The following NRXN3 variants were observed in gnomAD, a reference collection of about 807,000 sequenced individuals.
NRXN3 encodes the protein neurexin III.
In NRXN3, 32 loss-of-function variants were observed where a neutral mutation model predicts 137.6. That is an observed-to-expected ratio of 0.23 (90% CI 0.18 to 0.31). The LOEUF is 0.31. Among genes scored for constraint, NRXN3 ranks in the 10% least tolerant of loss-of-function variants. NRXN3 has a pLI of 1.00. For synonymous variants in NRXN3, 798 were observed against 784.5 expected (o/e 1.02, Z -0.29); for missense variants, 1,574 against 2,062.5 (o/e 0.76, Z 4.59).
At chr14:79,031,858 T>A (rs1477275137) in intron 15 of NRXN3, among the ~76,000 whole-genome samples, 1 of 152,188 alleles carries the variant, frequency 6.6e-6, no homozygotes, top group Non-Finnish European at 1.5e-5. Flanking sequence ...TTTTTGTTGT[T>A]GTTGTCTGTT....
intron 2 of NRXN3, among the ~76,000 whole-genome samples, chr14:78,245,615 T>C (rs1400400298): frequency 6.6e-6 from 1 of 152,182 alleles, no homozygotes; most frequent in Non-Finnish European, 1.5e-5. Flanking sequence ...TAGCTATCAG[T>C]GGCTATTTAA....
intron 4 of NRXN3, among the ~76,000 whole-genome samples, chr14:78,328,261 T>G (rs774006885): frequency 2.6e-5 from 4 of 152,170 alleles, no homozygotes; most frequent in Non-Finnish European, 5.9e-5. Flanking sequence ...TTTTTGACTG[T>G]TCGCTCAATA....
At chr14:78,901,209 T>C (rs1042165839) in intron 10 of NRXN3, among the ~76,000 whole-genome samples, 1 of 151,786 alleles carries the variant, frequency 6.6e-6, no homozygotes, top group Non-Finnish European at 1.5e-5. Flanking sequence ...TAATTTTCTC[T>C]GTATTTCTTG....
Position 79,861,428 on chromosome 14 carries a change from G to A in NRXN3, c.4180G>A (p.Val1394Ile). The change falls in exon 21 of 21, where the codon GTC becomes ATC. Residue 1394 changes from valine (V) to isoleucine (I), a missense_variant. By Grantham distance (29) the Val-to-Ile change is conservative (BLOSUM62 3). Transcript: ENST00000335750. The surrounding 1 kb of genome is among the most constrained non-coding windows in gnomAD (Gnocchi z 5.4). ...WESKDFRPNK[V>I]SETSRTTTTS... The stretch of plus-strand genomic sequence containing the variant: ...ATCCAAGGACTTTAGACCTAACAAA[G>A]TCTCCGAAACTAGTAGGACTACTAC... 7 of 1,536,384 alleles carry A rather than the reference G, an allele frequency of 4.6e-6. No homozygotes were observed. Among genetic ancestry groups the A allele is most frequent in the Non-Finnish European group, 5.2e-6 (6 of 1,146,978 alleles).
At chr14:79,590,920 A>G (rs550625591) in intron 16 of NRXN3, among the ~76,000 whole-genome samples, 1 of 152,296 alleles carries the variant, frequency 6.6e-6, no homozygotes, top group East Asian at 1.9e-4. Flanking sequence ...CTCAAGCCCT[A>G]CCATCCCCTC....
At chr14:79,280,335 C>A (rs372995928) in intron 15 of NRXN3, 1 of 1,614,074 alleles carries the variant, frequency 6.2e-7, no homozygotes, top group Non-Finnish European at 8.5e-7. Flanking sequence ...CCTCGCCGGC[C>A]GGCCTGGACG....
At chr14:78,571,999 C>A (rs1019653364) in intron 4 of NRXN3, among the ~76,000 whole-genome samples, 1 of 152,222 alleles carries the variant, frequency 6.6e-6, no homozygotes, top group Non-Finnish European at 1.5e-5. Flanking sequence ...GAAGCTGCCA[C>A]TTCTGTCTTC....
At chr14:79,076,366 G>C (rs1373626455) in intron 15 of NRXN3, among the ~76,000 whole-genome samples, 2 of 152,132 alleles carry the variant, frequency 1.3e-5, no homozygotes, top group African/African-American at 4.8e-5. Context: ...GCTTAGCTGG[G>C]TGCCTCTGGC....
At chr14:78,531,175 C>T (rs972854288) in intron 4 of NRXN3, among the ~76,000 whole-genome samples, 5 of 152,156 alleles carry the variant, frequency 3.3e-5, no homozygotes, top group African/African-American at 1.2e-4. Flanking sequence ...GGGCTACTTT[C>T]ATGAGGAAGC....
intron 6 of NRXN3, 144 bp downstream of exon 6, chr14:78,651,470 G>T (rs2097742368): frequency 1.0e-6 from 1 of 973,906 alleles, no homozygotes; most frequent in East Asian, 2.6e-5. Flanking sequence ...TTGGAAGTAG[G>T]TGTCCTACGT....
At chr14:79,789,158 G>A (rs1043973215) in intron 19 of NRXN3, among the ~76,000 whole-genome samples, 3 of 152,104 alleles carry the variant, frequency 2.0e-5, no homozygotes, top group African/African-American at 7.2e-5. Flanking sequence ...AGTGAAACAT[G>A]AAAACTATAT....
In NRXN3 at chr14:78,173,656, GA is replaced by G. The variant is rs1030660437; in HGVS notation, c.-704+2989del. Among the ~76,000 whole-genome samples, 17 of 115,688 alleles carry G rather than the reference GA, an allele frequency of 1.5e-4. No homozygotes were observed. The Admixed American group carries it at 1.8e-3, about 12-fold the overall frequency. The allele number at this position is 115,688 out of a possible 152,430, so 75.9% of individuals were successfully genotyped here. A position where few individuals can be genotyped will look rare whatever the true frequency, so the allele number is the denominator to read the frequency against. On this transcript the variant is annotated intron_variant, in intron 1 of 20. Coordinates refer to ENST00000335750, the MANE Select transcript of NRXN3 (RefSeq NM_001330195.2). ...TTCCTCCAGCCCTTTCCATCTTCAT[GA>G]AAAAAATTCTGATTTTGATGGCTCT...
intron 19 of NRXN3, among the ~76,000 whole-genome samples, chr14:79,729,488 C>T (rs1202858135): frequency 1.3e-5 from 2 of 152,130 alleles, no homozygotes; most frequent in Admixed American, 6.5e-5. Flanking sequence ...ATATACCTTG[C>T]TTAAAACCAG....
intron 4 of NRXN3, among the ~76,000 whole-genome samples, chr14:78,317,852 A>G (rs34757401): frequency 0.17 from 25,548 of 152,232 alleles, 2,749 homozygotes; most frequent in Middle Eastern, 0.23. Flanking sequence ...TAAAAAGATC[A>G]TAATTTCACC....
intron 20 of NRXN3, among the ~76,000 whole-genome samples, chr14:79,828,568 C>T (rs1184077236): frequency 2.2e-5 from 3 of 138,052 alleles, no homozygotes; most frequent in Non-Finnish European, 3.0e-5. Flanking sequence ...TACAGTGAGC[C>T]GAGATCACGC....
intron 15 of NRXN3, among the ~76,000 whole-genome samples, chr14:79,317,983 T>C (rs565273900): frequency 1.3e-5 from 2 of 152,172 alleles, no homozygotes; most frequent in African/African-American, 2.4e-5. Context: ...ATGTTTCAGA[T>C]AAAAATCTCT....
intron 4 of NRXN3, among the ~76,000 whole-genome samples, chr14:78,557,647 C>T (rs1051479539): frequency 3.9e-5 from 6 of 152,296 alleles, no homozygotes; most frequent in Middle Eastern, 3.4e-3. Flanking sequence ...TGTGCTTTTA[C>T]GTCTCCTCCA....
chr14:79,799,304 G>A (rs1452567455), intron 19 of NRXN3, among the ~76,000 whole-genome samples: 1 of 152,134 alleles, frequency 6.6e-6, no homozygotes, highest in Non-Finnish European at 1.5e-5. Context: ...ATATATAGGG[G>A]CAGAGGAATA....
intron 10 of NRXN3, among the ~76,000 whole-genome samples, chr14:78,880,273 C>G (rs1159812354): frequency 1.3e-5 from 2 of 150,836 alleles, no homozygotes; most frequent in Non-Finnish European, 3.0e-5. Context: ...AGAATTGACC[C>G]ATTTACAATA....
Sources: gnomAD v4.1 joint callset for allele counts (sites outside exome capture counted in the v4.1 genomes callset) on GRCh38, gnomAD v4.1.1 for gene constraint, Gnocchi (gnomAD v3.1) non-coding constraint, MANE v1.5 for transcripts, NCBI Gene and HGNC (gene_info 2026-07-23, HGNC 2026-07-21) for gene names.